The following PDE1C variants were observed in gnomAD, a reference collection of about 807,000 sequenced individuals.
PDE1C encodes the protein phosphodiesterase 1C.
PDE1C carries 62 observed loss-of-function variants against 93.1 expected under a neutral mutation model. The observed-to-expected ratio is 0.67, with a 90% CI of 0.54 to 0.82. The LOEUF is 0.82. Ranked by LOEUF, PDE1C falls within the 40% of genes least tolerant of loss-of-function variation. The probability of loss-of-function intolerance (pLI) is 0.00; values close to 1 mark genes in which losing one functional copy is unlikely to be tolerated. For synonymous variants in PDE1C, 325 were observed against 310.1 expected (o/e 1.05, Z -0.50); for missense variants, 742 against 884.6 (o/e 0.84, Z 2.04).
the PDE1C span, among the ~76,000 whole-genome samples, chr7:31,626,718 G>C: frequency 1.3e-5 from 2 of 151,914 alleles, no homozygotes; most frequent in African/African-American, 4.9e-5. Flanking sequence ...CAAAACTCTT[G>C]TTGTGGCAGT....
the PDE1C span, among the ~76,000 whole-genome samples, chr7:31,737,348 T>C: frequency 6.6e-6 from 1 of 152,168 alleles, no homozygotes; most frequent in Non-Finnish European, 1.5e-5. Context: ...ACCATTAACC[T>C]AGTTTGGTCT....
intron 16 of PDE1C, among the ~76,000 whole-genome samples, chr7:31,782,549 A>C (rs1046786713): frequency 3.3e-5 from 5 of 152,230 alleles, no homozygotes; most frequent in Non-Finnish European, 5.9e-5. Context: ...ACGATACACC[A>C]GGAGGCCCTG....
At position 32,107,580 on chromosome 7, in the gene PDE1C, C is replaced by T. The variant is rs567056561; in HGVS notation, c.308+62205G>A. Among the ~76,000 whole-genome samples, 6 of 152,190 alleles carry T rather than the reference C, an allele frequency of 3.9e-5. No individual in the cohort carries two copies. The South Asian group carries it at 1.2e-3, about 32-fold the overall frequency. On this transcript the variant is annotated intron_variant, in intron 3 of 18. Transcript: ENST00000396193. ...AAAATTACTCTTCAAAAGTGAAGAA[C>T]AAATAGGCTTTCTCAGATGAACAAA... is the stretch of plus-strand genomic sequence containing the variant.
At chr7:32,052,187 A>G in intron 1 of PDE1C, 1 of 411,602 alleles carries the variant, frequency 2.4e-6, no homozygotes, top group South Asian at 1.7e-5. Flanking sequence ...GACAATGAGA[A>G]AGTCTAGAAG....
chr7:32,110,844 TCTACCAGTAAAATAG>T (rs1798599859), intron 3 of PDE1C, among the ~76,000 whole-genome samples: 3 of 152,158 alleles, frequency 2.0e-5, no homozygotes, highest in Admixed American at 6.6e-5. Flanking sequence ...CATGAAAATA[TCTACCAGTAAAATAG>T]CTACCAGTAA....
chr7:31,976,145 C>T (rs1811632970), intron 2 of PDE1C, among the ~76,000 whole-genome samples: 1 of 152,234 alleles, frequency 6.6e-6, no homozygotes, highest in Non-Finnish European at 1.5e-5. Flanking sequence ...TAGCACATAA[C>T]AAATTAACAT....
intron 2 of PDE1C, among the ~76,000 whole-genome samples, chr7:32,036,379 A>G (rs1230937480): frequency 1.3e-5 from 2 of 152,198 alleles, no homozygotes; most frequent in African/African-American, 4.8e-5. Context: ...GAAAAGATGG[A>G]AGGTTTAAAA....
chr7:31,668,844 C>T, the PDE1C span, among the ~76,000 whole-genome samples: 1 of 151,772 alleles, frequency 6.6e-6, no homozygotes, highest in Non-Finnish European at 1.5e-5. Flanking sequence ...TCTCAATGAA[C>T]TACTAAAAAA....
intron 1 of PDE1C, among the ~76,000 whole-genome samples, chr7:32,368,717 A>G (rs975317629): frequency 6.6e-6 from 1 of 152,164 alleles, no homozygotes; most frequent in Admixed American, 6.5e-5. Flanking sequence ...CAAAAAGAAC[A>G]AAGCTGGAAG....
chr7:31,719,618 G>A, the PDE1C span, among the ~76,000 whole-genome samples: 10 of 152,098 alleles, frequency 6.6e-5, no homozygotes, highest in Non-Finnish European at 1.0e-4. Flanking sequence ...CCAGCCACAC[G>A]ATTCTCTCCC....
intron 2 of PDE1C, among the ~76,000 whole-genome samples, chr7:32,030,307 A>C (rs188259127): frequency 1.3e-5 from 2 of 152,078 alleles, no homozygotes; most frequent in African/African-American, 4.8e-5. Context: ...CACACCCTCA[A>C]ATGTGTTTAT....
chr7:31,985,554 T>C lies in PDE1C; in HGVS notation c.128+66000A>G, dbSNP rs540214288. On this transcript the variant is annotated intron_variant, in intron 2 of 17. Transcript: ENST00000396191. The stretch of plus-strand genomic sequence containing the variant: ...CGTCATTTACATTAGGTATTTCTCC[T>C]AATGCTATCCCTCCCCCAACCCCCA... 6.5e-4 allele frequency among the ~76,000 whole-genome samples: 99 copies of C among 152,278 alleles called. 2 individuals carry two copies. In the South Asian group the frequency reaches 9.3e-3, roughly 14 times the overall value.
At chr7:32,315,821 C>A (rs527759709) in intron 1 of PDE1C, among the ~76,000 whole-genome samples, 97 of 152,156 alleles carry the variant, frequency 6.4e-4, no homozygotes, top group African/African-American at 2.3e-3. Context: ...CATGGAGAAA[C>A]CCTGTCTCTA....
chr7:32,130,435 C>T (rs1034072770), intron 3 of PDE1C, among the ~76,000 whole-genome samples: 2 of 152,076 alleles, frequency 1.3e-5, no homozygotes, highest in Non-Finnish European at 2.9e-5. Flanking sequence ...CTTTCTCTCT[C>T]CCTCCGTTTC....
chr7:31,972,603 C>A (rs754678146), intron 2 of PDE1C, among the ~76,000 whole-genome samples: 1 of 152,152 alleles, frequency 6.6e-6, no homozygotes, highest in African/African-American at 2.4e-5. Context: ...GGCATAGACT[C>A]TTTTCCCTGC....
rs1785380724 is a variant in PDE1C at position 32,420,182 on chromosome 7, CATATATATGTGTATATATATACAT to C, written c.310+7616_310+7639del. Among the ~76,000 whole-genome samples the C allele has an allele frequency of 5.6e-5, 2 of 35,976 alleles. 1 individual carries two copies. Among genetic ancestry groups the C allele is most frequent in the Non-Finnish European group, 1.2e-4 (2 of 17,110 alleles). 23.6% of individuals were successfully genotyped at this position (35,976 alleles called of 152,430 possible). ...ACATATATATGTGTATATATATACA[CATATATATGTGTATATATATACAT>C]ATATATGTATATATACATATATATG... On this transcript the variant is annotated intron_variant, in intron 1 of 1. Coordinates refer to the PDE1C transcript ENST00000672256.
chr7:32,124,902 C>G (rs964500988), intron 3 of PDE1C, among the ~76,000 whole-genome samples: 1 of 152,124 alleles, frequency 6.6e-6, no homozygotes, highest in Non-Finnish European at 1.5e-5. Context: ...AGCTCCTGTA[C>G]AGCAAAAGAA....
At chr7:31,843,527 T>A (rs1304235550) in intron 9 of PDE1C, among the ~76,000 whole-genome samples, 1 of 151,924 alleles carries the variant, frequency 6.6e-6, no homozygotes, top group Non-Finnish European at 1.5e-5. Flanking sequence ...TTATTCTTAC[T>A]GTTTGGTACA....
chr7:31,776,031 G>A (rs1782932493), intron 16 of PDE1C, among the ~76,000 whole-genome samples: 2 of 149,146 alleles, frequency 1.3e-5, no homozygotes, highest in Non-Finnish European at 3.0e-5. Context: ...TAAATAGGAA[G>A]TTGCCTGGGC....
Sources: allele counts gnomAD v4.1 joint callset (sites outside exome capture counted in the v4.1 genomes callset), GRCh38; gene constraint gnomAD v4.1.1; transcripts MANE v1.5; gene names NCBI Gene and HGNC (gene_info 2026-07-23, HGNC 2026-07-21).